The following CDH13 variants were observed in gnomAD, a reference collection of about 807,000 sequenced individuals.
CDH13 encodes cadherin-13.
A neutral mutation model predicts 63.8 loss-of-function variants in CDH13; 24 were observed. The observed-to-expected ratio is 0.38, with a 90% confidence interval of 0.27 to 0.53. The LOEUF is 0.53. CDH13 is among the 20% of genes least tolerant of loss of function. The pLI, the probability that CDH13 is intolerant of heterozygous loss-of-function variation, is 0.85. For missense variants in CDH13, 1,049 were observed against 903.1 expected, an observed-to-expected ratio of 1.16 and a Z score of -2.07; for synonymous variants, 503 against 355.3, an observed-to-expected ratio of 1.42 and a Z score of -4.67.
intron 1 of CDH13, among the ~76,000 whole-genome samples, chr16:82,770,630 T>A (rs1477634811): frequency 6.6e-6 from 1 of 152,238 alleles, no homozygotes; most frequent in Non-Finnish European, 1.5e-5. Context: ...AAGCAGTCAA[T>A]TTTCAATTAC....
intron 1 of CDH13, among the ~76,000 whole-genome samples, chr16:82,706,679 C>G (rs1597371504): frequency 6.6e-6 from 1 of 151,622 alleles, no homozygotes; most frequent in South Asian, 2.1e-4. Context: ...TGGTGGGTGC[C>G]TGTAATCCCA....
intron 6 of CDH13, among the ~76,000 whole-genome samples, chr16:83,464,807 C>A (rs2073267725): frequency 6.6e-6 from 1 of 152,142 alleles, no homozygotes; most frequent in African/African-American, 2.4e-5. Context: ...CAACCTAGTA[C>A]AGAAAGTGAT....
intron 5 of CDH13, among the ~76,000 whole-genome samples, chr16:83,291,895 T>G (rs2089475065): frequency 6.6e-6 from 1 of 152,210 alleles, no homozygotes; most frequent in Admixed American, 6.5e-5. Context: ...AATGTCATCT[T>G]GACCAGGTCA....
chr16:83,450,125 C>T (rs1302459070), intron 6 of CDH13, among the ~76,000 whole-genome samples: 1 of 152,176 alleles, frequency 6.6e-6, no homozygotes, highest in Non-Finnish European at 1.5e-5. Flanking sequence ...TAAACCACAG[C>T]AGCGCCCTGT....
At chr16:83,059,838 A>T (rs1447151566) in intron 3 of CDH13, among the ~76,000 whole-genome samples, 18 of 128,722 alleles carry the variant, frequency 1.4e-4, no homozygotes, top group African/African-American at 2.1e-4. Context: ...TCTGTCACCC[A>T]GGCTGGAGTG....
chr16:82,733,341 G>A (rs754372242), intron 1 of CDH13, among the ~76,000 whole-genome samples: 1 of 151,016 alleles, frequency 6.6e-6, no homozygotes, highest in African/African-American at 2.4e-5. Flanking sequence ...TAATTGTTCT[G>A]TTTTTCTTAT....
intron 2 of CDH13, among the ~76,000 whole-genome samples, chr16:82,921,792 A>G (rs1035175039): frequency 5.3e-5 from 8 of 151,986 alleles, no homozygotes; most frequent in African/African-American, 4.8e-5. Flanking sequence ...CTCTCCTCCT[A>G]TATTTTTTGG....
intron 1 of CDH13, among the ~76,000 whole-genome samples, chr16:82,732,080 C>A (rs2033433903): frequency 6.6e-6 from 1 of 152,248 alleles, no homozygotes; most frequent in Non-Finnish European, 1.5e-5. Context: ...TCCCTTTATG[C>A]ACATTTTTCC....
At chr16:82,710,186 AATTTATT>A (rs1322634676) in intron 1 of CDH13, among the ~76,000 whole-genome samples, 1 of 144,552 alleles carries the variant, frequency 6.9e-6, no homozygotes, top group African/African-American at 2.6e-5. Flanking sequence ...TTATAAATTA[AATTTATT>A]ATTTATATAT....
At chr16:83,794,122 C>A (rs1353782876) in intron 13 of CDH13, among the ~76,000 whole-genome samples, 2 of 152,174 alleles carry the variant, frequency 1.3e-5, no homozygotes, top group Non-Finnish European at 2.9e-5. Context: ...AGAAGGAGCA[C>A]AGCCTGGTCA....
chr16:82,959,574 A>G (rs9926600), intron 2 of CDH13, among the ~76,000 whole-genome samples: 8,534 of 152,104 alleles, frequency 0.056, 738 homozygotes, highest in African/African-American at 0.19. Flanking sequence ...GAGTAGTTAC[A>G]TCTCCTTTGC....
intron 1 of CDH13, among the ~76,000 whole-genome samples, chr16:82,780,022 GC>G (rs1181087883): frequency 6.6e-6 from 1 of 152,082 alleles, no homozygotes; most frequent in Non-Finnish European, 1.5e-5. Context: ...AATCCATTTT[GC>G]CCATGATTTC....
Position 83,029,034 on chromosome 16 carries a change from G to T in CDH13, c.158-2976G>T, listed in dbSNP as rs566595627. ...GCCTCAGTTTCCTTATCTAGAAACT[G>T]TAGGAGAAGGGGATCAAAATAGTAC... is the stretch of plus-strand genomic sequence containing the variant. On this transcript the variant is annotated intron_variant, in intron 2 of 13. Transcript: ENST00000567109. 2.8e-4 allele frequency among the ~76,000 whole-genome samples: 42 copies of T among 152,316 alleles called. 1 individual carries two copies. Among genetic ancestry groups the T allele is most frequent in the African/African-American group, 9.6e-4 (40 of 41,562 alleles).
chr16:83,188,172 T>C (rs2038585265), intron 4 of CDH13, among the ~76,000 whole-genome samples: 1 of 152,162 alleles, frequency 6.6e-6, no homozygotes, highest in South Asian at 2.1e-4. Flanking sequence ...TGAAGACAGA[T>C]GTGATCTGGC....
At chr16:82,634,667 G>A (rs1410010241) in intron 1 of CDH13, among the ~76,000 whole-genome samples, 1 of 152,224 alleles carries the variant, frequency 6.6e-6, no homozygotes, top group South Asian at 2.1e-4. Flanking sequence ...GGCCCCTGAA[G>A]CTGAAAGTAT....
chr16:82,811,726 G>A (rs781532625), intron 1 of CDH13, among the ~76,000 whole-genome samples: 1 of 152,144 alleles, frequency 6.6e-6, no homozygotes, highest in Non-Finnish European at 1.5e-5. Context: ...AGATGGAAAG[G>A]TGTATATGGA....
intron 5 of CDH13, among the ~76,000 whole-genome samples, chr16:83,221,776 C>G (rs2039708609): frequency 6.6e-6 from 1 of 151,940 alleles, no homozygotes; most frequent in Non-Finnish European, 1.5e-5. Context: ...GATCTGTTGT[C>G]CAGTGGGAGA....
chr16:83,087,538 T>C (rs1309788376), intron 3 of CDH13, among the ~76,000 whole-genome samples: 1 of 151,842 alleles, frequency 6.6e-6, no homozygotes, highest in Non-Finnish European at 1.5e-5. Context: ...TGCGGTGGCA[T>C]GTGCCTATAG....
rs574061721 is a variant in CDH13, at chr16:83,567,367, GC to G, written c.961-35082del. ...AGAGATAAATCAGAGATGAATGAGT[GC>G]CCCCTTGAGTCCAGGGCGTACCTGT... is the stretch of plus-strand genomic sequence containing the variant. On this transcript the variant is annotated intron_variant, in intron 7 of 13. Coordinates refer to ENST00000567109, the MANE Select transcript of CDH13 (RefSeq NM_001257.5). Among the ~76,000 whole-genome samples, 457 of 152,288 alleles carry G rather than the reference GC, an allele frequency of 3.0e-3. 3 individuals are homozygous for G. The highest frequency in any genetic ancestry group is 0.011 in the African/African-American group (437 of 41,558).
Sources: allele counts gnomAD v4.1 joint callset (sites outside exome capture counted in the v4.1 genomes callset), GRCh38; gene constraint gnomAD v4.1.1; transcripts MANE v1.5; gene names NCBI Gene and HGNC (gene_info 2026-07-23, HGNC 2026-07-21).